EXOC5: variants seen among roughly 807,000 people sequenced by gnomAD.
EXOC5 encodes exocyst complex component 5.
Under a neutral mutation model 90.8 loss-of-function variants are expected in EXOC5, and 17 were observed. The observed-to-expected ratio is 0.19, with a 90% CI of 0.13 to 0.28. The LOEUF (loss-of-function observed/expected upper bound fraction) is 0.28. EXOC5 is among the 10% of genes least tolerant of loss of function. EXOC5 has a pLI of 1.00. For synonymous variants in EXOC5, 260 were observed against 270.0 expected, an observed-to-expected ratio of 0.96 and a Z score of 0.36; for missense variants, 569 against 830.6, an observed-to-expected ratio of 0.69 and a Z score of 3.87.
chr14:57,232,807 T>G (rs1883526245), intron 9 of EXOC5, 58 bp from the exon 10 acceptor site: 1 of 807,496 alleles, frequency 1.2e-6, no homozygotes, highest in Non-Finnish European at 2.0e-6. Flanking sequence ...CTACAACTTC[T>G]CAAGATATTT....
rs564984737 is a variant in EXOC5, at chr14:57,231,289, G to C, written c.1148+217C>G. On this transcript the variant is annotated intron_variant, in intron 11 of 17. Coordinates refer to ENST00000621441, the MANE Select transcript of EXOC5 (RefSeq NM_006544.4). Reference sequence around the variant, plus strand: ...CTCCCAAAGTGCTGCGATTACAGGAGTGAGTTACCACGCCCGGCTTACATT... The same window carrying C: ...CTCCCAAAGTGCTGCGATTACAGGACTGAGTTACCACGCCCGGCTTACATT... Among the ~76,000 whole-genome samples the C allele has an allele frequency of 5.9e-5, 9 of 152,250 alleles. No individual in the cohort carries two copies. The South Asian group carries it at 1.9e-3, about 32-fold the overall frequency.
chr14:57,266,735 G>A (rs867473038), intron 1 of EXOC5, among the ~76,000 whole-genome samples: 67 of 146,472 alleles, frequency 4.6e-4, no homozygotes, highest in Non-Finnish European at 6.9e-4. Context: ...GTGTGTGTGT[G>A]TATATATATA....
chr14:57,229,943 T>C, intron 11 of EXOC5, 62 bp from the exon 12 acceptor site: 1 of 1,075,590 alleles, frequency 9.3e-7, no homozygotes, highest in Non-Finnish European at 1.3e-6. Flanking sequence ...CAACTTTGAG[T>C]ACTTCCAAAC....
At chr14:57,212,203 G>GA (rs1172309435) in intron 15 of EXOC5, among the ~76,000 whole-genome samples, 1 of 152,138 alleles carries the variant, frequency 6.6e-6, no homozygotes, top group Non-Finnish European at 1.5e-5. Flanking sequence ...TTGATCTAAA[G>GA]AAACCTTGGT....
rs1336718955 is a variant in EXOC5 at position 57,200,930 on chromosome 14, T to G, written c.*7679A>C. On this transcript the variant is annotated 3_prime_UTR_variant, in exon 18 of 18. Coordinates refer to ENST00000621441, the MANE Select transcript of EXOC5 (RefSeq NM_006544.4). ...CAAGAGCTATGTGAGATGAGGATGG[T>G]CTCCTCCAGAGAGAGGGGAAGCCCA... 1.3e-5 allele frequency: 2 copies of G among 152,042 alleles called. No homozygotes were observed. Among genetic ancestry groups the G allele is most frequent in the African/African-American group, 2.4e-5 (1 of 41,386 alleles). 9.4% of individuals were successfully genotyped at this position (152,042 alleles called of 1,614,324 possible).
intron 1 of EXOC5, among the ~76,000 whole-genome samples, chr14:57,266,074 T>C (rs1450194350): frequency 6.6e-6 from 1 of 152,252 alleles, no homozygotes; most frequent in Non-Finnish European, 1.5e-5. Flanking sequence ...TAATGAAATG[T>C]CATGGATTCA....
At chr14:57,233,509 G>A (rs1245037917) in intron 9 of EXOC5, among the ~76,000 whole-genome samples, 2 of 151,826 alleles carry the variant, frequency 1.3e-5, no homozygotes, top group Non-Finnish European at 2.9e-5. Flanking sequence ...CTACTACTAC[G>A]AATACTACAC....
At chr14:57,247,168 C>G (rs1315471179) in intron 2 of EXOC5, among the ~76,000 whole-genome samples, 1 of 152,048 alleles carries the variant, frequency 6.6e-6, no homozygotes, top group Admixed American at 6.6e-5. Flanking sequence ...AAAACCTCAC[C>G]CAGAATCCCC....
chr14:57,241,862 G>A (rs922304245), intron 4 of EXOC5, among the ~76,000 whole-genome samples: 14 of 152,062 alleles, frequency 9.2e-5, no homozygotes, highest in Non-Finnish European at 7.4e-5. Context: ...GACCAGGTGC[G>A]GTGGCTCATG....
intron 1 of EXOC5, among the ~76,000 whole-genome samples, chr14:57,267,904 G>C (rs184718852): frequency 6.6e-6 from 1 of 151,998 alleles, no homozygotes; most frequent in Non-Finnish European, 1.5e-5. Flanking sequence ...TACATGAAAC[G>C]AAGTGTTCGT....
At chr14:57,267,907 G>A (rs1438487114) in intron 1 of EXOC5, among the ~76,000 whole-genome samples, 2 of 152,092 alleles carry the variant, frequency 1.3e-5, no homozygotes, top group African/African-American at 4.8e-5. Context: ...ATGAAACGAA[G>A]TGTTCGTTTT....
At chr14:57,244,121 GTTA>G in intron 4 of EXOC5, 41 bp downstream of exon 4, 1 of 1,334,344 alleles carries the variant, frequency 7.5e-7, no homozygotes, top group Non-Finnish European at 1.1e-6. Context: ...TTAGGGCACT[GTTA>G]TTAATGCTGT....
At chr14:57,248,071 T>C (rs563343541) in intron 1 of EXOC5, among the ~76,000 whole-genome samples, 107 of 150,496 alleles carry the variant, frequency 7.1e-4, no homozygotes, top group African/African-American at 2.4e-3. Flanking sequence ...GATCAAATTA[T>C]CCTTTTTTAA....
At chr14:57,231,237 G>T (rs1883477506) in intron 11 of EXOC5, among the ~76,000 whole-genome samples, 4 of 152,068 alleles carry the variant, frequency 2.6e-5, no homozygotes, top group Admixed American at 2.6e-4. Flanking sequence ...TCGAACTCCA[G>T]ACCTCAGGTG....
chr14:57,206,010 A>G lies in EXOC5; in HGVS notation c.*2599T>C, dbSNP rs568666186. On this transcript the variant is annotated 3_prime_UTR_variant, in exon 18 of 18. Coordinates refer to ENST00000621441, the MANE Select transcript of EXOC5 (RefSeq NM_006544.4). Reference sequence around the variant, plus strand: ...TGTCATTTTCAACATCATAATTTACATAAGGTAGGCTTCCTTTATTAAATT... The same window carrying G: ...TGTCATTTTCAACATCATAATTTACGTAAGGTAGGCTTCCTTTATTAAATT... The G allele has an allele frequency of 4.4e-6, 2 of 454,950 alleles. No individual in the cohort carries two copies. Among genetic ancestry groups the G allele is most frequent in the Admixed American group, 2.4e-5 (1 of 42,108 alleles). The allele number at this position is 454,950 out of a possible 1,614,324, so 28.2% of individuals were successfully genotyped here.
intron 15 of EXOC5, among the ~76,000 whole-genome samples, chr14:57,217,520 ACCATAC>A (rs1883009326): frequency 6.6e-6 from 1 of 152,134 alleles, no homozygotes; most frequent in African/African-American, 2.4e-5. Context: ...GTTTTGGGGT[ACCATAC>A]CCATATAAGA....
intron 1 of EXOC5, among the ~76,000 whole-genome samples, chr14:57,257,195 A>G (rs931251041): frequency 2.6e-5 from 4 of 152,206 alleles, no homozygotes; most frequent in Non-Finnish European, 5.9e-5. Flanking sequence ...AAGATTACTC[A>G]TTGAGGTAGA....
intron 1 of EXOC5, among the ~76,000 whole-genome samples, chr14:57,257,681 A>AAAAT (rs907586765): frequency 6.6e-6 from 1 of 152,164 alleles, no homozygotes; most frequent in African/African-American, 2.4e-5. Flanking sequence ...CAAAAAATAA[A>AAAAT]AAATAAATAA....
chr14:57,255,936 CAT>C (rs1239208948), intron 1 of EXOC5, among the ~76,000 whole-genome samples: 2 of 151,672 alleles, frequency 1.3e-5, no homozygotes, highest in African/African-American at 2.4e-5. Context: ...AGGAAAAACA[CAT>C]GAGTCTGGCA....
Sources: gnomAD v4.1 joint callset for allele counts (sites outside exome capture counted in the v4.1 genomes callset) on GRCh38, gnomAD v4.1.1 for gene constraint, MANE v1.5 for transcripts, NCBI Gene and HGNC (gene_info 2026-07-23, HGNC 2026-07-21) for gene names.